Variants in DTNA observed in about 807,000 individuals in gnomAD.
DTNA encodes the protein dystrophin-related protein 3.
In DTNA, 43 loss-of-function variants were observed where a neutral mutation model predicts 100.7. The ratio of observed to expected loss-of-function variants is 0.43; its 90% CI spans 0.33 to 0.55. The LOEUF (loss-of-function observed/expected upper bound fraction) is 0.55. DTNA is among the 20% of genes least tolerant of loss of function. The pLI is 0.04. For missense variants in DTNA, 798 were observed against 953.9 expected, an observed-to-expected ratio of 0.84 and a Z score of 2.15; for synonymous variants, 349 against 347.9, an observed-to-expected ratio of 1.00 and a Z score of -0.04.
chr18:34,766,736 C>T (rs190911740), intron 3 of DTNA, among the ~76,000 whole-genome samples: 1 of 152,194 alleles, frequency 6.6e-6, no homozygotes, highest in Admixed American at 6.5e-5. Flanking sequence ...TTAAATCCCC[C>T]TTATATTTGT....
intron 15 of DTNA, among the ~76,000 whole-genome samples, chr18:34,853,593 C>T (rs2096512125): frequency 6.6e-6 from 1 of 151,994 alleles, no homozygotes; most frequent in South Asian, 2.1e-4. Context: ...GACTCCATCG[C>T]CTTTGAAACT....
intron 1 of DTNA, among the ~76,000 whole-genome samples, chr18:34,586,843 A>G (rs1475286197): frequency 6.6e-6 from 1 of 152,184 alleles, no homozygotes; most frequent in Non-Finnish European, 1.5e-5. Flanking sequence ...ATGAAGTTGG[A>G]CATTCTGGTT....
rs190930377 is a variant in DTNA, at chr18:34,574,381, C to T, written c.-2+80867C>T. On this transcript the variant is annotated intron_variant, in intron 1 of 19. Transcript: ENST00000283365. Reference sequence around the variant, plus strand: ...GCCTCCAGGTCCATACGGGGGACTCCACAACCTTGGCCTTGTCACAGTGCT... The same window carrying T: ...GCCTCCAGGTCCATACGGGGGACTCTACAACCTTGGCCTTGTCACAGTGCT... The T allele has an allele frequency of 3.2e-5, 5 of 154,154 alleles. No homozygotes were observed. In the East Asian group the frequency reaches 9.6e-4, roughly 29 times the overall value. 9.5% of individuals were successfully genotyped at this position (154,154 alleles called of 1,614,324 possible). A position where few individuals can be genotyped will look rare whatever the true frequency, so the allele number is the denominator to read the frequency against.
At chr18:34,691,906 C>T (rs543420537) in intron 1 of DTNA, among the ~76,000 whole-genome samples, 1 of 152,362 alleles carries the variant, frequency 6.6e-6, no homozygotes, top group African/African-American at 2.4e-5. Flanking sequence ...ATGAACTTCT[C>T]ATGGATCATA....
intron 1 of DTNA, among the ~76,000 whole-genome samples, chr18:34,525,555 C>A (rs1258046247): frequency 6.6e-6 from 1 of 152,106 alleles, no homozygotes; most frequent in East Asian, 1.9e-4. Context: ...TTTGAAAATG[C>A]ATTGTAAGAC....
At chr18:34,823,622 A>G (rs1288399245) in intron 9 of DTNA, among the ~76,000 whole-genome samples, 1 of 152,250 alleles carries the variant, frequency 6.6e-6, no homozygotes, top group Non-Finnish European at 1.5e-5. Context: ...TGTTCCTTAG[A>G]ACTATACATA....
chr18:34,645,730 G>A (rs898358435), intron 1 of DTNA, among the ~76,000 whole-genome samples: 1 of 152,094 alleles, frequency 6.6e-6, no homozygotes, highest in Non-Finnish European at 1.5e-5. Context: ...TTCCTGCAAC[G>A]TCTTTTCTAG....
At chr18:34,730,013 T>C (rs948325159) in intron 1 of DTNA, among the ~76,000 whole-genome samples, 1 of 152,112 alleles carries the variant, frequency 6.6e-6, no homozygotes, top group African/African-American at 2.4e-5. Context: ...AACTCATCTC[T>C]CCACAGTTCC....
chr18:34,879,806 G>A, intron 20 of DTNA, 87 bp downstream of exon 20: 1 of 1,539,728 alleles, frequency 6.5e-7, no homozygotes, highest in South Asian at 1.2e-5. Context: ...ATTGTTTAGG[G>A]TTTTTTTAAC....
At chr18:34,494,941 G>T (rs1452333127) in intron 1 of DTNA, among the ~76,000 whole-genome samples, 1 of 151,642 alleles carries the variant, frequency 6.6e-6, no homozygotes, top group Non-Finnish European at 1.5e-5. Context: ...GGAAAAAAGT[G>T]TTCCACATGT....
chr18:34,646,271 A>G (rs566793046), intron 1 of DTNA, among the ~76,000 whole-genome samples: 41 of 152,350 alleles, frequency 2.7e-4, no homozygotes, highest in African/African-American at 9.9e-4. Context: ...ACTAAAAAAA[A>G]ATTCATGTTA....
intron 1 of DTNA, among the ~76,000 whole-genome samples, chr18:34,505,992 G>T (rs1236146009): frequency 6.6e-6 from 1 of 152,204 alleles, no homozygotes; most frequent in East Asian, 1.9e-4. Flanking sequence ...CATCACCTCA[G>T]TGAGCATCAG....
chr18:34,564,831 A>C (rs1010720873), intron 1 of DTNA, among the ~76,000 whole-genome samples: 1 of 152,156 alleles, frequency 6.6e-6, no homozygotes, highest in Admixed American at 6.5e-5. Flanking sequence ...AGACAGGGTT[A>C]ATTGGAGTGT....
At chr18:34,503,648 T>G (rs1398323166) in intron 1 of DTNA, among the ~76,000 whole-genome samples, 1 of 152,174 alleles carries the variant, frequency 6.6e-6, no homozygotes, top group Non-Finnish European at 1.5e-5. Context: ...ATTTAAACCA[T>G]TTACATTTAC....
intron 14 of DTNA, among the ~76,000 whole-genome samples, chr18:34,851,260 C>T (rs1050766100): frequency 1.3e-5 from 2 of 152,106 alleles, no homozygotes; most frequent in African/African-American, 4.8e-5. Flanking sequence ...TGCCACCAGG[C>T]CCAACTAATT....
intron 13 of DTNA, among the ~76,000 whole-genome samples, chr18:34,839,745 T>A (rs2096232664): frequency 6.6e-6 from 1 of 152,326 alleles, no homozygotes; most frequent in South Asian, 2.1e-4. Flanking sequence ...AGAAAGCCAA[T>A]GGGTTCAATT....
chr18:34,829,563 G>C, intron 11 of DTNA, 74 bp downstream of exon 11: 4 of 1,371,126 alleles, frequency 2.9e-6, no homozygotes, highest in Non-Finnish European at 3.8e-6. Context: ...TTCTACTCTG[G>C]CACTAAAATC....
At chr18:34,764,234 C>CTG (rs3079199) in intron 2 of DTNA, among the ~76,000 whole-genome samples, 150,316 of 152,312 alleles carry the variant, frequency 0.99, 74,197 homozygotes, top group East Asian at 1. Flanking sequence ...GACTTTATAT[C>CTG]TGTATTACCA....
At chr18:34,604,119 A>G (rs181555449) in intron 1 of DTNA, among the ~76,000 whole-genome samples, 2 of 152,290 alleles carry the variant, frequency 1.3e-5, no homozygotes, top group Admixed American at 1.3e-4. Context: ...ACTCCATTCA[A>G]AGAAAATCCT....
Sources: allele counts gnomAD v4.1 joint callset (sites outside exome capture counted in the v4.1 genomes callset), GRCh38; gene constraint gnomAD v4.1.1; transcripts MANE v1.5; gene names NCBI Gene and HGNC (gene_info 2026-07-23, HGNC 2026-07-21).